LCLAT1: variants seen among roughly 807,000 people sequenced by gnomAD.
The protein encoded by LCLAT1 is 1-AGP acyltransferase 8.
A neutral mutation model predicts 30.7 loss-of-function variants in LCLAT1; 11 were observed. The ratio of observed to expected loss-of-function variants is 0.36; its 90% CI spans 0.23 to 0.59. The LOEUF (loss-of-function observed/expected upper bound fraction) is 0.59, where lower values mean the gene tolerates loss of function less well. Ranked by LOEUF, LCLAT1 falls within the 20% of genes least tolerant of loss-of-function variation. The pLI, the probability that LCLAT1 is intolerant of heterozygous loss-of-function variation, is 0.77. For missense variants in LCLAT1, 402 were observed against 458.6 expected (o/e 0.88, Z 1.13); for synonymous variants, 155 against 151.3 (o/e 1.02, Z -0.18).
At chr2:30,498,336 C>G (rs1684215009) in intron 1 of LCLAT1, among the ~76,000 whole-genome samples, 1 of 152,088 alleles carries the variant, frequency 6.6e-6, no homozygotes, top group African/African-American at 2.4e-5. Context: ...TGGCCTGGGA[C>G]CAATCAGGGG....
chr2:30,549,135 C>G (rs1664563651), intron 3 of LCLAT1, among the ~76,000 whole-genome samples: 1 of 152,198 alleles, frequency 6.6e-6, no homozygotes, highest in East Asian at 1.9e-4. Flanking sequence ...TATCTGACTT[C>G]TGAACAGAGC....
chr2:30,604,538 A>C (rs1181597291), intron 5 of LCLAT1, among the ~76,000 whole-genome samples: 1 of 151,974 alleles, frequency 6.6e-6, no homozygotes, highest in Non-Finnish European at 1.5e-5. Context: ...TAGGACTTTC[A>C]GGTGTGTAAA....
intron 1 of LCLAT1, among the ~76,000 whole-genome samples, chr2:30,521,486 CTTCTTCTTT>C (rs1685466110): frequency 1.5e-4 from 4 of 25,852 alleles, no homozygotes; most frequent in African/African-American, 2.3e-4. Flanking sequence ...CCCTAAACTA[CTTCTTCTTT>C]TTTTTTTTTT....
intron 5 of LCLAT1, among the ~76,000 whole-genome samples, chr2:30,609,646 G>T (rs1332048649): frequency 6.6e-6 from 1 of 152,104 alleles, no homozygotes; most frequent in Admixed American, 6.6e-5. Context: ...TGTTATACCA[G>T]GATAGCCTTT....
intron 5 of LCLAT1, among the ~76,000 whole-genome samples, chr2:30,622,093 G>C (rs1668282832): frequency 1.3e-5 from 2 of 152,182 alleles, no homozygotes; most frequent in African/African-American, 4.8e-5. Flanking sequence ...CACGGCAAGA[G>C]TGAGACCAGC....
At chr2:30,517,008 G>A (rs371103549) in intron 1 of LCLAT1, among the ~76,000 whole-genome samples, 2 of 152,088 alleles carry the variant, frequency 1.3e-5, no homozygotes, top group Non-Finnish European at 1.5e-5. Context: ...CTGAATTCCC[G>A]GCATTGGCCA....
intron 1 of LCLAT1, among the ~76,000 whole-genome samples, chr2:30,492,923 T>A (rs992578642): frequency 6.6e-6 from 1 of 152,190 alleles, no homozygotes; most frequent in Admixed American, 6.5e-5. Context: ...ATACCCTTAT[T>A]TTTGGGGCAC....
chr2:30,521,973 G>A (rs749425976), intron 1 of LCLAT1, among the ~76,000 whole-genome samples: 6 of 152,200 alleles, frequency 3.9e-5, no homozygotes, highest in Middle Eastern at 6.8e-3. Context: ...TTTGAGTCTG[G>A]CCTCTTTCAT....
At chr2:30,491,531 C>T (rs79173631) in intron 1 of LCLAT1, among the ~76,000 whole-genome samples, 1 of 152,140 alleles carries the variant, frequency 6.6e-6, no homozygotes, top group Admixed American at 6.5e-5. Flanking sequence ...CCTCATTAAA[C>T]TAGGTGGCCT....
chr2:30,504,797 A>G (rs1052408035), intron 1 of LCLAT1, among the ~76,000 whole-genome samples: 5 of 152,096 alleles, frequency 3.3e-5, no homozygotes, highest in African/African-American at 1.2e-4. Context: ...CCCTTTGACC[A>G]CCATCCTCAG....
At chr2:30,505,241 C>T (rs1684597949) in intron 1 of LCLAT1, among the ~76,000 whole-genome samples, 1 of 151,850 alleles carries the variant, frequency 6.6e-6, no homozygotes, top group Admixed American at 6.6e-5. Flanking sequence ...ATCAGTTTGC[C>T]CTCTAAACTG....
chr2:30,520,459 A>G (rs879853405), intron 1 of LCLAT1, among the ~76,000 whole-genome samples: 14 of 152,316 alleles, frequency 9.2e-5, no homozygotes, highest in Middle Eastern at 6.8e-3. Context: ...GTAACATTTC[A>G]GACTGAGTGT....
chr2:30,599,243 A>T (rs1667070357), intron 5 of LCLAT1, among the ~76,000 whole-genome samples: 1 of 152,072 alleles, frequency 6.6e-6, no homozygotes, highest in Non-Finnish European at 1.5e-5. Flanking sequence ...CAGCCTCCTA[A>T]AGTGCTGGGA....
At position 30,637,191 on chromosome 2, in the gene LCLAT1, G is replaced by A. The variant is rs142538938; in HGVS notation, c.629-2926G>A. Reference sequence around the variant, plus strand: ...GGCACCTAAAACAAGGATTATGGTTGTGGTTGGCGGGCAGAAATGAATGGC... The same window carrying A: ...GGCACCTAAAACAAGGATTATGGTTATGGTTGGCGGGCAGAAATGAATGGC... On this transcript the variant is annotated intron_variant, in intron 5 of 5. Coordinates refer to ENST00000379509, the MANE Select transcript of LCLAT1 (RefSeq NM_001002257.3). 2.2e-3 allele frequency among the ~76,000 whole-genome samples: 342 copies of A among 152,314 alleles called. 2 individuals carry two copies. The highest frequency in any genetic ancestry group is 3.1e-3 in the Non-Finnish European group (212 of 68,030).
chr2:30,537,819 C>CGT (rs1663866613), intron 3 of LCLAT1, among the ~76,000 whole-genome samples: 1 of 152,072 alleles, frequency 6.6e-6, no homozygotes, highest in African/African-American at 2.4e-5. Flanking sequence ...CAGGACAGAT[C>CGT]GTGTGTTAGG....
At chr2:30,493,698 A>C (rs923113031) in intron 1 of LCLAT1, among the ~76,000 whole-genome samples, 6 of 152,182 alleles carry the variant, frequency 3.9e-5, no homozygotes, top group African/African-American at 1.4e-4. Flanking sequence ...AACCCCTAGC[A>C]ACCACTGATC....
chr2:30,510,693 G>T (rs1447293689), intron 1 of LCLAT1, among the ~76,000 whole-genome samples: 7 of 151,870 alleles, frequency 4.6e-5, no homozygotes. Flanking sequence ...ACTCTTTTTG[G>T]CCCTTGTATT....
intron 3 of LCLAT1, among the ~76,000 whole-genome samples, chr2:30,541,400 G>GA (rs956944084): frequency 3.3e-5 from 5 of 150,084 alleles, no homozygotes; most frequent in South Asian, 2.1e-4. Context: ...TCTTAAAAAA[G>GA]AAAAAAAAAG....
chr2:30,455,341 C>G (rs1480459653), intron 1 of LCLAT1, among the ~76,000 whole-genome samples: 1 of 152,146 alleles, frequency 6.6e-6, no homozygotes, highest in Non-Finnish European at 1.5e-5. Context: ...GCTGCCATAA[C>G]AAACTACTGC....
Sources: allele counts gnomAD v4.1 joint callset (sites outside exome capture counted in the v4.1 genomes callset), GRCh38; gene constraint gnomAD v4.1.1; transcripts MANE v1.5; gene names NCBI Gene and HGNC (gene_info 2026-07-23, HGNC 2026-07-21).